TF: variants seen among roughly 807,000 people sequenced by gnomAD.
TF encodes the protein serotransferrin.
In TF, 55 loss-of-function variants were observed where a neutral mutation model predicts 82.4. That is an observed-to-expected ratio of 0.67 (90% CI 0.54 to 0.84). TF has a LOEUF of 0.84. Among genes scored for constraint, TF ranks in the 40% least tolerant of loss-of-function variants. TF has a pLI of 0.00. For missense variants in TF, 737 were observed against 868.4 expected, an observed-to-expected ratio of 0.85 and a Z score of 1.90; for synonymous variants, 332 against 332.6, an observed-to-expected ratio of 1.00 and a Z score of 0.02.
At chr3:133,761,939 A>C (rs1444071943) in intron 9 of TF, 1 of 161,092 alleles carries the variant, frequency 6.2e-6, no homozygotes, top group South Asian at 1.9e-4. Context: ...AGGAAGGTGG[A>C]TACTTTAATA....
rs559779322 is a variant in TF at position 133,782,380 on chromosome 3, A to T, written c.*3760A>T. The T allele has an allele frequency of 6.6e-6, 1 of 152,260 alleles. No homozygotes were observed. The highest frequency in any genetic ancestry group is 2.1e-4 in the South Asian group (1 of 4,824). The allele number at this position is 152,260 out of a possible 1,614,324, so 9.4% of individuals were successfully genotyped here. The stretch of plus-strand genomic sequence containing the variant: ...GCATTGCAGCCAATATAGGGAAGCA[A>T]CCTAAATGCCTGTTGAAGAATGAAT... On this transcript the variant is annotated 3_prime_UTR_variant, in exon 17 of 17. Transcript: ENST00000402696.
At chr3:133,693,440 T>G in the TF span, among the ~76,000 whole-genome samples, 2 of 152,240 alleles carry the variant, frequency 1.3e-5, no homozygotes, top group African/African-American at 4.8e-5. Context: ...TGGCCAGATC[T>G]TTTTGAACTC....
At chr3:133,760,126 C>CCT (rs1933950598) in intron 9 of TF, among the ~76,000 whole-genome samples, 1 of 152,014 alleles carries the variant, frequency 6.6e-6, no homozygotes, top group Non-Finnish European at 1.5e-5. Context: ...CTCCACTCCC[C>CCT]CTCCTCCCCA....
Position 133,786,461 on chromosome 3 carries a change from T to A in TF, c.*7841T>A, listed in dbSNP as rs1044405786. On this transcript the variant is annotated 3_prime_UTR_variant, in exon 17 of 17. Coordinates refer to ENST00000402696, the MANE Select transcript of TF (RefSeq NM_001063.4). ...GAGGAAAGGAAGTGTAAGAGCTCTATGCCAATGTGCTTATAGTGAGGCAAG... is the reference window on the plus strand; with the variant it reads ...GAGGAAAGGAAGTGTAAGAGCTCTAAGCCAATGTGCTTATAGTGAGGCAAG... The A allele has an allele frequency of 1.3e-5, 2 of 152,332 alleles. No homozygotes were observed. The highest frequency in any genetic ancestry group is 1.3e-4 in the Admixed American group (2 of 15,306). 9.4% of individuals were successfully genotyped at this position (152,332 alleles called of 1,614,324 possible). A position where few individuals can be genotyped will look rare whatever the true frequency, so the allele number is the denominator to read the frequency against.
At chr3:133,775,225 C>T in intron 14 of TF, 1 of 622,564 alleles carries the variant, frequency 1.6e-6, no homozygotes, top group South Asian at 1.9e-5. Flanking sequence ...AGGGGATGGT[C>T]AATAATCATT....
the TF span, among the ~76,000 whole-genome samples, chr3:133,727,023 C>G: frequency 1.3e-5 from 2 of 152,222 alleles, no homozygotes; most frequent in South Asian, 2.1e-4. Flanking sequence ...GTCTGAGAGA[C>G]AGTTTGTTAT....
chr3:133,745,023 C>T (rs900092524), upstream of TF, among the ~76,000 whole-genome samples: 6 of 152,138 alleles, frequency 3.9e-5, no homozygotes, highest in African/African-American at 1.4e-4. Context: ...TTTTTATTTC[C>T]ATACTTTGTG....
At chr3:133,758,416 T>C (rs561609908) in intron 8 of TF, among the ~76,000 whole-genome samples, 7 of 152,370 alleles carry the variant, frequency 4.6e-5, no homozygotes, top group African/African-American at 1.7e-4. Context: ...ATTGAACATC[T>C]AGCCATATGC....
At position 133,792,549 on chromosome 3, in the gene TF, T is replaced by C. The variant is rs899168959; in HGVS notation, c.*13929T>C. Reference sequence around the variant, plus strand: ...TGGGTCCTAGACTCCACAACTAATATATAATTAAAATCCTTAACTTACCAA... The same window carrying C: ...TGGGTCCTAGACTCCACAACTAATACATAATTAAAATCCTTAACTTACCAA... On this transcript the variant is annotated 3_prime_UTR_variant, in exon 17 of 17. Transcript: ENST00000402696. The C allele has an allele frequency of 6.6e-6, 1 of 152,334 alleles. No individual in the cohort carries two copies. The highest frequency in any genetic ancestry group is 2.4e-5 in the African/African-American group (1 of 41,576). 9.4% of individuals were successfully genotyped at this position (152,334 alleles called of 1,614,324 possible).
At chr3:133,733,709 T>C in the TF span, among the ~76,000 whole-genome samples, 1 of 152,204 alleles carries the variant, frequency 6.6e-6, no homozygotes, top group Non-Finnish European at 1.5e-5. Context: ...CATTGAACAA[T>C]GCTGAATATC....
the TF span, among the ~76,000 whole-genome samples, chr3:133,714,948 G>C: frequency 6.6e-6 from 1 of 152,162 alleles, no homozygotes; most frequent in Non-Finnish European, 1.5e-5. Context: ...CTCCCAAAGT[G>C]CTGGGATTAC....
At position 133,790,442 on chromosome 3, in the gene TF, AG is replaced by A. The variant is rs1934803505; in HGVS notation, c.*11823del. 6.6e-6 allele frequency: 1 copy of A among 152,216 alleles called. No individual in the cohort carries two copies. Among genetic ancestry groups the A allele is most frequent in the South Asian group, 2.1e-4 (1 of 4,838 alleles). The allele number at this position is 152,216 out of a possible 1,614,324, so 9.4% of individuals were successfully genotyped here. A position where few individuals can be genotyped will look rare whatever the true frequency, so the allele number is the denominator to read the frequency against. On this transcript the variant is annotated 3_prime_UTR_variant, in exon 17 of 17. Transcript: ENST00000402696. ...ATAATTTAGAAGTTATCTAAAAGTT[AG>A]TTCAAATTACAGATTTGAAAAGGTT...
At chr3:133,671,727 A>G in the TF span, among the ~76,000 whole-genome samples, 5 of 149,422 alleles carry the variant, frequency 3.3e-5, no homozygotes, top group Non-Finnish European at 7.4e-5. Flanking sequence ...CAGGAGGCGG[A>G]GGTTACAATG....
intron 1 of TF, among the ~76,000 whole-genome samples, chr3:133,747,830 T>C (rs1007526056): frequency 2.0e-5 from 3 of 152,070 alleles, no homozygotes; most frequent in African/African-American, 7.3e-5. Context: ...GGGGTGTAAC[T>C]CAGAATGTTT....
chr3:133,757,577 C>T (rs8177237), intron 7 of TF, among the ~76,000 whole-genome samples, 192 bp from the exon 8 acceptor site: 1 of 152,046 alleles, frequency 6.6e-6, no homozygotes, highest in Non-Finnish European at 1.5e-5. Context: ...CAGGTTCAGG[C>T]AAATCGCGGA....
the TF span, among the ~76,000 whole-genome samples, chr3:133,716,064 C>T: frequency 1.3e-5 from 2 of 152,198 alleles, no homozygotes; most frequent in Non-Finnish European, 2.9e-5. Context: ...ATTCTCCCTT[C>T]CCCCTCCTGA....
the TF span, among the ~76,000 whole-genome samples, chr3:133,696,383 G>A: frequency 1.9e-5 from 1 of 51,740 alleles, no homozygotes; most frequent in Non-Finnish European, 4.4e-5. Context: ...TCATAAGTAT[G>A]TAGTATAGAA....
the TF span, chr3:133,699,376 G>A: frequency 1.2e-6 from 1 of 803,240 alleles, no homozygotes; most frequent in Non-Finnish European, 1.9e-6. Context: ...TTCGGTGAGG[G>A]GCATGGGTCA....
rs537594524 is a variant in TF, at chr3:133,795,098, T to C, written c.*16478T>C. The stretch of plus-strand genomic sequence containing the variant: ...AGAGTTGGCTAAACAGAAGAGTATC[T>C]GTGCAGCTGCTGGCACTCATGGCCT... On this transcript the variant is annotated 3_prime_UTR_variant, in exon 17 of 17. Transcript: ENST00000402696. 1 of 152,344 alleles carries C rather than the reference T, an allele frequency of 6.6e-6. No homozygotes were observed. The highest frequency in any genetic ancestry group is 2.1e-4 in the South Asian group (1 of 4,814). The allele number at this position is 152,344 out of a possible 1,614,324, so 9.4% of individuals were successfully genotyped here.
Sources: allele counts gnomAD v4.1 joint callset (sites outside exome capture counted in the v4.1 genomes callset), GRCh38; gene constraint gnomAD v4.1.1; transcripts MANE v1.5; gene names NCBI Gene and HGNC (gene_info 2026-07-23, HGNC 2026-07-21).